The following TMTC3 variants were observed in gnomAD, a reference collection of about 807,000 sequenced individuals.
TMTC3 encodes the protein protein O-mannosyl-transferase TMTC3.
TMTC3 carries 52 observed loss-of-function variants against 92.2 expected under a neutral mutation model. The ratio of observed to expected loss-of-function variants is 0.56; its 90% CI spans 0.45 to 0.71. TMTC3 has a LOEUF of 0.71. Among genes scored for constraint, TMTC3 ranks in the 30% least tolerant of loss-of-function variants. TMTC3 has a pLI of 0.00. For synonymous variants in TMTC3, 339 were observed against 363.3 expected (o/e 0.93, Z 0.76); for missense variants, 896 against 1,057.1 (o/e 0.85, Z 2.11).
chr12:88,175,066 T>G (rs1162817664), intron 9 of TMTC3, among the ~76,000 whole-genome samples: 2 of 152,102 alleles, frequency 1.3e-5, no homozygotes. Context: ...ATCAAATAAG[T>G]CTTACAGTGA....
chr12:88,188,366 G>C (rs776002248), intron 10 of TMTC3, among the ~76,000 whole-genome samples: 16 of 151,970 alleles, frequency 1.1e-4, no homozygotes, highest in Non-Finnish European at 2.2e-4. Context: ...TAAGCTATGA[G>C]ATTAAGTAAA....
chr12:88,144,829 G>A (rs2040853016), intron 1 of TMTC3, among the ~76,000 whole-genome samples: 1 of 152,128 alleles, frequency 6.6e-6, no homozygotes, highest in South Asian at 2.1e-4. Context: ...ATTTAACTCA[G>A]GTTCTAGTTC....
intron 4 of TMTC3, among the ~76,000 whole-genome samples, chr12:88,159,302 GAACTT>G (rs2041048242): frequency 6.6e-6 from 1 of 152,062 alleles, no homozygotes. Context: ...CATTTAAATA[GAACTT>G]ATAGTCTATT....
At chr12:88,191,755 G>T (rs995496201) in intron 12 of TMTC3, among the ~76,000 whole-genome samples, 2 of 151,918 alleles carry the variant, frequency 1.3e-5, no homozygotes, top group African/African-American at 4.8e-5. Context: ...TGTTACCCAG[G>T]CTGGAGTGCA....
At position 88,198,324 on chromosome 12, in the gene TMTC3, T is replaced by A. The variant is rs2041539331; in HGVS notation, c.*2675T>A. The A allele has an allele frequency of 5.0e-6, 2 of 397,930 alleles. No homozygotes were observed. Among genetic ancestry groups the A allele is most frequent in the African/African-American group, 2.1e-5 (1 of 48,574 alleles). The allele number at this position is 397,930 out of a possible 1,614,324, so 24.6% of individuals were successfully genotyped here. On this transcript the variant is annotated 3_prime_UTR_variant, in exon 14 of 14. Transcript: ENST00000266712. ...CATATGGAAGTTTGGAAAAGAGAGCTTATCACAGGTTTGTATGCTGGTGAA... is the reference window on the plus strand; with the variant it reads ...CATATGGAAGTTTGGAAAAGAGAGCATATCACAGGTTTGTATGCTGGTGAA...
At chr12:88,191,395 A>G (rs994296955) in intron 12 of TMTC3, among the ~76,000 whole-genome samples, 2 of 152,162 alleles carry the variant, frequency 1.3e-5, no homozygotes, top group Admixed American at 1.3e-4. Flanking sequence ...TTGGACAAAC[A>G]TTCATTCTAG....
At chr12:88,189,102 T>A (rs992134673) in intron 11 of TMTC3, among the ~76,000 whole-genome samples, 156 bp downstream of exon 11, 2 of 151,942 alleles carry the variant, frequency 1.3e-5, no homozygotes, top group Non-Finnish European at 2.9e-5. Flanking sequence ...TAATTTTTTT[T>A]TTTTTTTTGG....
chr12:88,169,600 A>G (rs911197987), intron 7 of TMTC3, among the ~76,000 whole-genome samples: 1 of 152,158 alleles, frequency 6.6e-6, no homozygotes, highest in East Asian at 1.9e-4. Flanking sequence ...GATGTCATAT[A>G]TATGTCAACA....
intron 12 of TMTC3, among the ~76,000 whole-genome samples, 178 bp from the exon 13 acceptor site, chr12:88,192,426 T>G (rs2041454211): frequency 6.6e-6 from 1 of 152,136 alleles, no homozygotes; most frequent in Admixed American, 6.6e-5. Context: ...TATACTGAAC[T>G]AAGGAGTTCA....
chr12:88,173,057 T>G, intron 8 of TMTC3: 4 of 1,311,438 alleles, frequency 3.1e-6, no homozygotes, highest in Non-Finnish European at 4.0e-6. Context: ...ACTTCCATAT[T>G]CAGTGAACTA....
chr12:88,181,943 AGAACT>A (rs1180685020), intron 10 of TMTC3, among the ~76,000 whole-genome samples: 2 of 152,226 alleles, frequency 1.3e-5, no homozygotes, highest in Non-Finnish European at 2.9e-5. Context: ...GTACGAGAAA[AGAACT>A]GAAGTAGTTT....
intron 4 of TMTC3, among the ~76,000 whole-genome samples, chr12:88,156,262 CT>C (rs2041008301): frequency 2.0e-5 from 3 of 152,174 alleles, no homozygotes; most frequent in Non-Finnish European, 2.9e-5. Flanking sequence ...ACATGTTCTT[CT>C]AAAGTTATAA....
At chr12:88,178,906 G>T (rs1318805128) in intron 10 of TMTC3, among the ~76,000 whole-genome samples, 1 of 152,180 alleles carries the variant, frequency 6.6e-6, no homozygotes, top group South Asian at 2.1e-4. Flanking sequence ...TGGGGTGTGT[G>T]TACACATTCA....
rs193146394 is a variant in TMTC3 at position 88,163,318 on chromosome 12, G to A, written c.797+2467G>A. On this transcript the variant is annotated intron_variant, in intron 6 of 13. Coordinates refer to ENST00000266712, the MANE Select transcript of TMTC3 (RefSeq NM_181783.4). ...CAAGATCTTTTTGACTATTGGATGT[G>A]AACTGTAAATTACGAAGATTTCCAC... 9.2e-5 allele frequency among the ~76,000 whole-genome samples: 14 copies of A among 152,276 alleles called. No homozygotes were observed. In the East Asian group the frequency reaches 1.7e-3, roughly 19 times the overall value.
intron 8 of TMTC3, among the ~76,000 whole-genome samples, chr12:88,173,705 A>G (rs1024673165): frequency 2.6e-5 from 4 of 152,008 alleles, no homozygotes; most frequent in Non-Finnish European, 1.5e-5. Context: ...TTACCCATAT[A>G]TCCATTTATA....
In TMTC3 at chr12:88,199,053, T is replaced by A. The variant is rs200437337; in HGVS notation, c.*3404T>A. 2 of 151,778 alleles carry A rather than the reference T, an allele frequency of 1.3e-5. No homozygotes were observed. The highest frequency in any genetic ancestry group is 4.8e-5 in the African/African-American group (2 of 41,314). The allele number at this position is 151,778 out of a possible 1,614,324, so 9.4% of individuals were successfully genotyped here. On this transcript the variant is annotated 3_prime_UTR_variant, in exon 14 of 14. Transcript: ENST00000266712. ...CATAACCTGGCTTGCCTTTTAGTGT[T>A]AAAAAAATACAACATTGTATATAGA...
At chr12:88,160,981 A>G in intron 6 of TMTC3, 130 bp downstream of exon 6, 1 of 872,058 alleles carries the variant, frequency 1.1e-6, no homozygotes, top group Non-Finnish European at 1.7e-6. Flanking sequence ...AACATTTTTT[A>G]AACTGCATAT....
At chr12:88,164,098 A>G (rs1049962920) in intron 6 of TMTC3, among the ~76,000 whole-genome samples, 3 of 151,568 alleles carry the variant, frequency 2.0e-5, no homozygotes, top group African/African-American at 7.3e-5. Context: ...GCTGAGGCAC[A>G]AGAATCGTTT....
intron 12 of TMTC3, 42 bp from the exon 13 acceptor site, chr12:88,192,562 T>C: frequency 6.8e-7 from 1 of 1,460,142 alleles, no homozygotes; most frequent in East Asian, 2.3e-5. Context: ...CAAACTGAGA[T>C]GGTAATGTTG....
Sources: gnomAD v4.1 joint callset for allele counts (sites outside exome capture counted in the v4.1 genomes callset) on GRCh38, gnomAD v4.1.1 for gene constraint, MANE v1.5 for transcripts, NCBI Gene and HGNC (gene_info 2026-07-23, HGNC 2026-07-21) for gene names.